The following LPCAT1 variants were observed in gnomAD, a reference collection of about 807,000 sequenced individuals.
LPCAT1 encodes 1-acylglycerol-3-phosphate O-acyltransferase.
LPCAT1 carries 23 observed loss-of-function variants against 60.9 expected under a neutral mutation model. The ratio of observed to expected loss-of-function variants is 0.38; its 90% CI spans 0.27 to 0.53. LPCAT1 has a LOEUF of 0.53. Among genes scored for constraint, LPCAT1 ranks in the 20% least tolerant of loss-of-function variants. The probability of loss-of-function intolerance (pLI) is 0.82; values close to 1 mark genes in which losing one functional copy is unlikely to be tolerated. For missense variants in LPCAT1, 622 were observed against 723.6 expected, an observed-to-expected ratio of 0.86 and a Z score of 1.61; for synonymous variants, 340 against 301.1, an observed-to-expected ratio of 1.13 and a Z score of -1.34.
intron 1 of LPCAT1, among the ~76,000 whole-genome samples, chr5:1,519,866 C>G (rs1344199597): frequency 6.6e-6 from 1 of 152,256 alleles, no homozygotes; most frequent in African/African-American, 2.4e-5. Context: ...CTGGCCTTCT[C>G]CATCCTCCCC....
Position 1,493,677 on chromosome 5 carries a change from G to A in LPCAT1, c.493+1023C>T, listed in dbSNP as rs147078192. On this transcript the variant is annotated intron_variant, in intron 3 of 13. Coordinates refer to ENST00000283415, the MANE Select transcript of LPCAT1 (RefSeq NM_024830.5). ...GGGCCCAGATGCCCTGAAGAGCACC[G>A]AGGACAGAGCTCTGGTGGGTCAGGG... Among the ~76,000 whole-genome samples, 98 of 152,334 alleles carry A rather than the reference G, an allele frequency of 6.4e-4. 3 individuals carry two copies. The East Asian group carries it at 0.017, about 27-fold the overall frequency.
intron 1 of LPCAT1, among the ~76,000 whole-genome samples, chr5:1,504,815 AGT>A (rs1367793733): frequency 2.0e-5 from 3 of 152,336 alleles, no homozygotes; most frequent in Non-Finnish European, 4.4e-5. Flanking sequence ...GACGCCATGA[AGT>A]GTGATAACCA....
chr5:1,501,452 G>T lies in LPCAT1; in HGVS notation c.278+9C>A. ...CCCAGGAGGAGAGCACGGCACACGC[G>T]CAACTTACTTCCTCCACAGGGCCGG... On this transcript the variant is annotated intron_variant, in intron 2 of 13. Coordinates refer to ENST00000283415, the MANE Select transcript of LPCAT1 (RefSeq NM_024830.5). 2.5e-6 allele frequency: 4 copies of T among 1,605,674 alleles called. No individual in the cohort carries two copies. The highest frequency in any genetic ancestry group is 2.2e-5 in the South Asian group (2 of 90,152).
At chr5:1,517,192 G>A (rs1331850215) in intron 1 of LPCAT1, among the ~76,000 whole-genome samples, 1 of 152,190 alleles carries the variant, frequency 6.6e-6, no homozygotes, top group Non-Finnish European at 1.5e-5. Context: ...GCACCCACAG[G>A]AGGCCCACAG....
intron 13 of LPCAT1, 30 bp downstream of exon 13, chr5:1,466,719 G>A (rs2126472751): frequency 1.3e-6 from 2 of 1,590,160 alleles, no homozygotes; most frequent in South Asian, 1.1e-5. Context: ...CCCAAGGGTC[G>A]CGAGGACGAC....
intron 11 of LPCAT1, among the ~76,000 whole-genome samples, chr5:1,472,126 G>A (rs993019201): frequency 7.9e-5 from 11 of 138,738 alleles, no homozygotes; most frequent in Non-Finnish European, 1.4e-4. Context: ...GATGGGGGAG[G>A]ACTCTGGCCA....
intron 1 of LPCAT1, among the ~76,000 whole-genome samples, chr5:1,509,087 C>T (rs1448326703): frequency 6.6e-6 from 1 of 152,258 alleles, no homozygotes; most frequent in Non-Finnish European, 1.5e-5. Context: ...CTGCAGTGCC[C>T]CAGCCAGTGA....
chr5:1,520,465 C>T (rs1474771138), intron 1 of LPCAT1, among the ~76,000 whole-genome samples: 3 of 152,152 alleles, frequency 2.0e-5, no homozygotes, highest in Non-Finnish European at 4.4e-5. Flanking sequence ...GAGACAGCAA[C>T]GCCCGTCCAA....
chr5:1,477,634 GTA>G lies in LPCAT1; in HGVS notation c.817-150_817-149del. The G allele has an allele frequency of 1.6e-6, 1 of 610,442 alleles. No homozygotes were observed. The highest frequency in any genetic ancestry group is 2.9e-6 in the Non-Finnish European group (1 of 340,254). The allele number at this position is 610,442 out of a possible 1,614,324, so 37.8% of individuals were successfully genotyped here. Reference sequence around the variant, plus strand: ...TCAAAGTTGTCATGTGCACGTGTGTGTACGCACACACACACCCCCATGATGCA... The same window carrying G: ...TCAAAGTTGTCATGTGCACGTGTGTGCGCACACACACACCCCCATGATGCA... On this transcript the variant is annotated intron_variant, in intron 8 of 13. Coordinates refer to ENST00000283415, the MANE Select transcript of LPCAT1 (RefSeq NM_024830.5). The surrounding 1 kb of genome is among the most constrained non-coding windows in gnomAD (Gnocchi z 6.0).
rs1249189518 is a variant in LPCAT1 at position 1,522,890 on chromosome 5, C to A, written c.135+820G>T. Among the ~76,000 whole-genome samples the A allele has an allele frequency of 1.3e-5, 2 of 152,302 alleles. No homozygotes were observed. Among genetic ancestry groups the A allele is most frequent in the South Asian group, 2.1e-4 (1 of 4,828 alleles). On this transcript the variant is annotated intron_variant, in intron 1 of 13. Coordinates refer to ENST00000283415, the MANE Select transcript of LPCAT1 (RefSeq NM_024830.5). The surrounding 1 kb of genome is among the most constrained non-coding windows in gnomAD (Gnocchi z 6.8). Reference sequence around the variant, plus strand: ...GAAAAGCCAGGCTGAGCCAGCACATCCCCGGTGCAGCTTCCTGCAGCGAGC... The same window carrying A: ...GAAAAGCCAGGCTGAGCCAGCACATACCCGGTGCAGCTTCCTGCAGCGAGC...
In LPCAT1 at chr5:1,502,913, G is replaced by A. The variant is rs1736069192; in HGVS notation, c.136-1310C>T. Among the ~76,000 whole-genome samples the A allele has an allele frequency of 6.6e-6, 1 of 152,116 alleles. No individual in the cohort carries two copies. Among genetic ancestry groups the A allele is most frequent in the Non-Finnish European group, 1.5e-5 (1 of 68,034 alleles). On this transcript the variant is annotated intron_variant, in intron 1 of 13. Transcript: ENST00000283415. This position sits in a 1 kb window ranked among gnomAD's most constrained non-coding sequence, Gnocchi z 5.5. ...ATTTTCGAGTGGCCACATTTAAAGG[G>A]AATGACAATTTAATATACAGCTCAT...
chr5:1,475,368 T>C (rs1218146205), intron 9 of LPCAT1, among the ~76,000 whole-genome samples: 1 of 152,056 alleles, frequency 6.6e-6, no homozygotes, highest in Non-Finnish European at 1.5e-5. Flanking sequence ...CACGTGTGAC[T>C]CCAGGTGAGC....
In LPCAT1 at chr5:1,483,614, C is replaced by A; in HGVS notation, c.668-128G>T. On this transcript the variant is annotated intron_variant, in intron 5 of 13. Coordinates refer to ENST00000283415, the MANE Select transcript of LPCAT1 (RefSeq NM_024830.5). The surrounding 1 kb of genome is among the most constrained non-coding windows in gnomAD (Gnocchi z 9.2). The stretch of plus-strand genomic sequence containing the variant: ...TAGGCCTTCCTGGTCAGCAAGGGCA[C>A]TCCATGCCTGGACTATCTCAACATC... 1 of 844,962 alleles carries A rather than the reference C, an allele frequency of 1.2e-6. No individual in the cohort carries two copies. The highest frequency in any genetic ancestry group is 1.6e-5 in the South Asian group (1 of 63,736). 52.3% of individuals were successfully genotyped at this position (844,962 alleles called of 1,614,324 possible).
Position 1,485,223 on chromosome 5 carries a change from C to A in LPCAT1, c.668-1737G>T, listed in dbSNP as rs113728644. On this transcript the variant is annotated intron_variant, in intron 5 of 13. Transcript: ENST00000283415. ...CCCTGGGGACCTCTCAGGAAAGTCCCCAAGAGCACAGAAACCCCCCATGAG... is the reference window on the plus strand; with the variant it reads ...CCCTGGGGACCTCTCAGGAAAGTCCACAAGAGCACAGAAACCCCCCATGAG... Among the ~76,000 whole-genome samples, 910 of 152,282 alleles carry A rather than the reference C, an allele frequency of 6.0e-3. 4 individuals are homozygous for A. Among genetic ancestry groups the A allele is most frequent in the Non-Finnish European group, 9.9e-3 (674 of 68,020 alleles).
rs6554857 is a variant in LPCAT1, at chr5:1,487,155, T to C, written c.667+1236A>G. On this transcript the variant is annotated intron_variant, in intron 5 of 13. Transcript: ENST00000283415. This position sits in a 1 kb window ranked among gnomAD's most constrained non-coding sequence, Gnocchi z 6.1. ...GCAGTGACCCCAGCCCCACACCTTG[T>C]CAAGGAACAAGACCTGACGTACTTG... Among the ~76,000 whole-genome samples the C allele has an allele frequency of 0.51, 77,182 of 152,074 alleles. 20,750 individuals carry two copies. Among genetic ancestry groups the C allele is most frequent in the African/African-American group, 0.7 (28,924 of 41,492 alleles).
chr5:1,478,904 T>A (rs1735024961), intron 8 of LPCAT1, among the ~76,000 whole-genome samples: 1 of 152,222 alleles, frequency 6.6e-6, no homozygotes, highest in Non-Finnish European at 1.5e-5. Context: ...TAGCCCAAGG[T>A]CTTGACTCTG....
intron 12 of LPCAT1, among the ~76,000 whole-genome samples, chr5:1,469,117 GT>G (rs1734563852): frequency 6.6e-6 from 1 of 152,226 alleles, no homozygotes; most frequent in Non-Finnish European, 1.5e-5. Context: ...CGGGACCCTG[GT>G]GTCGCCGTGG....
rs1734109592 is a variant in LPCAT1, at chr5:1,461,814, C to T, written c.*1837G>A. Reference sequence around the variant, plus strand: ...GGAAGGGAGGTGGCCTGGGTCCCTTCCCTCGGAATATCTTAGTTTATTTAC... The same window carrying T: ...GGAAGGGAGGTGGCCTGGGTCCCTTTCCTCGGAATATCTTAGTTTATTTAC... On this transcript the variant is annotated 3_prime_UTR_variant, in exon 14 of 14. Transcript: ENST00000283415. 6.6e-6 allele frequency: 1 copy of T among 152,606 alleles called. No individual in the cohort carries two copies. The highest frequency in any genetic ancestry group is 6.5e-5 in the Admixed American group (1 of 15,284). 9.5% of individuals were successfully genotyped at this position (152,606 alleles called of 1,614,324 possible).
chr5:1,465,747 CAT>C (rs752015535), intron 13 of LPCAT1, among the ~76,000 whole-genome samples: 5 of 148,422 alleles, frequency 3.4e-5, no homozygotes, highest in Non-Finnish European at 6.0e-5. Context: ...CAAGCATGCA[CAT>C]GTGTACACAA....
Sources: allele counts gnomAD v4.1 joint callset (sites outside exome capture counted in the v4.1 genomes callset), GRCh38; gene constraint gnomAD v4.1.1; non-coding constraint Gnocchi (gnomAD v3.1); transcripts MANE v1.5; gene names NCBI Gene and HGNC (gene_info 2026-07-23, HGNC 2026-07-21).